AHI1: variants seen among roughly 807,000 people sequenced by gnomAD.
AHI1 encodes the protein jouberin.
In AHI1, 123 loss-of-function variants were observed where a neutral mutation model predicts 149.3. The ratio of observed to expected loss-of-function variants is 0.82; its 90% CI spans 0.71 to 0.96. The LOEUF (loss-of-function observed/expected upper bound fraction) is 0.96, where lower values mean the gene tolerates loss of function less well. Among genes scored for constraint, AHI1 ranks in the 40% least tolerant of loss-of-function variants. The pLI, the probability that AHI1 is intolerant of heterozygous loss-of-function variation, is 0.00. For missense variants in AHI1, 1,439 were observed against 1,422.7 expected (o/e 1.01, Z -0.18); for synonymous variants, 475 against 459.8 (o/e 1.03, Z -0.42).
At chr6:135,375,458 A>G (rs1356564200) in intron 23 of AHI1, among the ~76,000 whole-genome samples, 2 of 152,210 alleles carry the variant, frequency 1.3e-5, no homozygotes, top group Non-Finnish European at 2.9e-5. Flanking sequence ...TCAAGTACAT[A>G]CGGTTTATGA....
Position 135,463,238 on chromosome 6 carries a change from G to A in AHI1, c.818C>T (p.Ser273Phe). ...QKKESSVRSV[S>F]SDSHQDDEIS... The stretch of plus-strand genomic sequence containing the variant: ...TTCATCATCTTGATGAGAATCTGAA[G>A]AAACTGATCTAACTGAAGATTCTTT... The change falls in exon 8 of 29, where the codon TCT becomes TTT. Residue 273 changes from serine (S) to phenylalanine (F), a missense_variant. Physicochemically the swap from Ser to Phe is radical, Grantham distance 155. Transcript: ENST00000265602. 1 of 1,610,410 alleles carries A rather than the reference G, an allele frequency of 6.2e-7. No individual in the cohort carries two copies. The highest frequency in any genetic ancestry group is 8.5e-7 in the Non-Finnish European group (1 of 1,179,314).
At position 135,490,439 on chromosome 6, in the gene AHI1, G is replaced by C. The variant is rs17064588; in HGVS notation, c.135+184C>G. ...CTGTAGGACAGCACTCAAGAATGAA[G>C]TCAATATTCTCACAGTGATGTTGAT... On this transcript the variant is annotated intron_variant, in intron 5 of 28. Coordinates refer to ENST00000265602, the MANE Select transcript of AHI1 (RefSeq NM_001134831.2). 4,949 of 712,472 alleles carry C rather than the reference G, an allele frequency of 6.9e-3. 178 individuals are homozygous for C. The African/African-American group carries it at 0.078, about 11-fold the overall frequency. The allele number at this position is 712,472 out of a possible 1,614,324, so 44.1% of individuals were successfully genotyped here.
chr6:135,300,911 C>T (rs982524137), intron 26 of AHI1: 1 of 1,002,108 alleles, frequency 1.0e-6, no homozygotes, highest in East Asian at 9.9e-5. Flanking sequence ...ATCTTTTAGC[C>T]TGCATCTTTC....
At chr6:135,379,044 C>G (rs143693281) in intron 23 of AHI1, among the ~76,000 whole-genome samples, 1 of 152,246 alleles carries the variant, frequency 6.6e-6, no homozygotes, top group East Asian at 1.9e-4. Flanking sequence ...AGCCTATATT[C>G]CAAAATACAC....
chr6:135,453,242 A>T (rs1301315867), intron 11 of AHI1, 99 bp downstream of exon 11: 14 of 904,428 alleles, frequency 1.5e-5, no homozygotes, highest in Non-Finnish European at 2.5e-5. Context: ...ATTACCTTAG[A>T]TTCTAATTCC....
rs552102061 is a variant in AHI1 at position 135,358,903 on chromosome 6, G to A, written c.3110-716C>T. ...ACTCAAGTTAAAAATGAACACAAGT[G>A]TGGGTCTTGTTTAATTCCTAATTTC... is the stretch of plus-strand genomic sequence containing the variant. On this transcript the variant is annotated intron_variant, in intron 23 of 28. Coordinates refer to ENST00000265602, the MANE Select transcript of AHI1 (RefSeq NM_001134831.2). Among the ~76,000 whole-genome samples the A allele has an allele frequency of 5.5e-4, 84 of 152,336 alleles. 2 individuals are homozygous for A. The South Asian group carries it at 0.017, about 31-fold the overall frequency.
intron 14 of AHI1, among the ~76,000 whole-genome samples, chr6:135,439,175 A>G (rs1405249153): frequency 6.6e-6 from 1 of 152,234 alleles, no homozygotes; most frequent in African/African-American, 2.4e-5. Flanking sequence ...CCTTATGTGC[A>G]GTTTCACCTT....
intron 27 of AHI1, 106 bp from the exon 28 acceptor site, chr6:135,290,631 G>C (rs1233651731): frequency 9.4e-7 from 1 of 1,059,376 alleles, no homozygotes; most frequent in African/African-American, 1.6e-5. Flanking sequence ...CAAAAATGGG[G>C]ATAAATGTGA....
intron 23 of AHI1, among the ~76,000 whole-genome samples, chr6:135,363,904 C>A (rs1211613855): frequency 8.2e-5 from 12 of 147,046 alleles, no homozygotes; most frequent in African/African-American, 2.8e-4. Context: ...TGACCCCCCC[C>A]ACCTCCCTCC....
At chr6:135,455,579 A>C (rs1426251284) in intron 10 of AHI1, among the ~76,000 whole-genome samples, 155 bp downstream of exon 10, 1 of 152,246 alleles carries the variant, frequency 6.6e-6, no homozygotes, top group Non-Finnish European at 1.5e-5. Context: ...AGGGCGTCTC[A>C]CTTGATTCCA....
At chr6:135,351,155 A>G (rs1416722258) in intron 24 of AHI1, among the ~76,000 whole-genome samples, 1 of 152,070 alleles carries the variant, frequency 6.6e-6, no homozygotes, top group Non-Finnish European at 1.5e-5. Flanking sequence ...AAAAAAAAAA[A>G]AAGAAAGAAA....
intron 23 of AHI1, among the ~76,000 whole-genome samples, chr6:135,392,687 A>G (rs1778681724): frequency 1.3e-5 from 2 of 152,222 alleles, no homozygotes; most frequent in African/African-American, 4.8e-5. Context: ...TTAATTATTT[A>G]TCCACTTTAC....
At position 135,448,454 on chromosome 6, in the gene AHI1, C is replaced by T; in HGVS notation, c.1462G>A (p.Ala488Thr). The T allele has an allele frequency of 6.5e-7, 1 of 1,533,034 alleles. No homozygotes were observed. 95.0% of individuals were successfully genotyped at this position (1,533,034 alleles called of 1,614,324 possible). Residue 488 changes from alanine (A) to threonine (T), a missense_variant, in exon 12 of 29, where the codon GCA becomes ACA. By Grantham distance (58) the Ala-to-Thr change is moderately conservative. Transcript: ENST00000265602. ...FLKLLGANGN[A>T]NINSKLRLQL... is the part of the protein sequence containing the mutation. ...AAGCGAAGTTTTGAGTTGATGTTTG[C>T]ATTTCCATTGGCTCCCAGAAGCTTA...
intron 11 of AHI1, among the ~76,000 whole-genome samples, chr6:135,450,501 GT>G (rs1209642729): frequency 6.6e-6 from 1 of 152,152 alleles, no homozygotes; most frequent in Non-Finnish European, 1.5e-5. Flanking sequence ...ATTGTGATTA[GT>G]GTCAAATGAC....
At chr6:135,470,961 TTTTG>T (rs1791591890) in intron 5 of AHI1, among the ~76,000 whole-genome samples, 1 of 152,192 alleles carries the variant, frequency 6.6e-6, no homozygotes, top group East Asian at 1.9e-4. Context: ...AGAATCTTCT[TTTTG>T]TTTTTTATGA....
chr6:135,479,873 G>T lies in AHI1; in HGVS notation c.135+10750C>A, dbSNP rs113286016. Reference sequence around the variant, plus strand: ...AATCATGGGTGTCAACTTCCCTCTTGCTGTTCTCATGAGTTCTCCTGAGAT... The same window carrying T: ...AATCATGGGTGTCAACTTCCCTCTTTCTGTTCTCATGAGTTCTCCTGAGAT... On this transcript the variant is annotated intron_variant, in intron 5 of 28. Coordinates refer to ENST00000265602, the MANE Select transcript of AHI1 (RefSeq NM_001134831.2). Among the ~76,000 whole-genome samples the T allele has an allele frequency of 4.9e-3, 744 of 152,190 alleles. 4 individuals are homozygous for T. The highest frequency in any genetic ancestry group is 0.017 in the African/African-American group (698 of 41,514).
At chr6:135,347,350 C>G (rs72978249) in intron 24 of AHI1, among the ~76,000 whole-genome samples, 3,932 of 152,292 alleles carry the variant, frequency 0.026, 82 homozygotes, top group Non-Finnish European at 0.041. Flanking sequence ...GCTGTTAATA[C>G]TACCTAAACT....
At chr6:135,421,636 A>T (rs1783174833) in intron 20 of AHI1, among the ~76,000 whole-genome samples, 1 of 152,130 alleles carries the variant, frequency 6.6e-6, no homozygotes, top group South Asian at 2.1e-4. Flanking sequence ...TTCATGCATT[A>T]GTGCAATTAA....
chr6:135,464,814 C>G (rs868358311), intron 7 of AHI1, among the ~76,000 whole-genome samples: 2 of 152,192 alleles, frequency 1.3e-5, no homozygotes, highest in Non-Finnish European at 2.9e-5. Context: ...GATCCTCCCC[C>G]AGTCAAGGCT....
Sources: allele counts gnomAD v4.1 joint callset (sites outside exome capture counted in the v4.1 genomes callset), GRCh38; gene constraint gnomAD v4.1.1; transcripts MANE v1.5; gene names NCBI Gene and HGNC (gene_info 2026-07-23, HGNC 2026-07-21).